The following GREB1L variants were observed in gnomAD, a reference collection of about 807,000 sequenced individuals.
GREB1L encodes the protein GREB1-like protein.
Under a neutral mutation model 200.8 loss-of-function variants are expected in GREB1L, and 17 were observed. The ratio of observed to expected loss-of-function variants is 0.08; its 90% CI spans 0.06 to 0.13. The LOEUF (loss-of-function observed/expected upper bound fraction) is 0.13. Ranked by LOEUF, GREB1L falls within the 10% of genes least tolerant of loss-of-function variation. GREB1L has a pLI of 1.00. For synonymous variants in GREB1L, 789 were observed against 893.0 expected (o/e 0.88, Z 2.08); for missense variants, 1,657 against 2,367.7 (o/e 0.70, Z 6.23).
At position 21,403,990 on chromosome 18, in the gene GREB1L, G is replaced by A. The variant is rs2041423960; in HGVS notation, c.828G>A (p.Gln276=). ...TTNGYKSGFT[Q]TDAANGNSSH... is the part of the protein sequence containing the mutation. ...ATGGATACAAATCAGGATTCACTCA[G>A]ACAGGTATGGGATATTTTCTTTTGG... is the stretch of plus-strand genomic sequence containing the variant. Residue 276 remains glutamine (Q), a synonymous_variant, in exon 7 of 33, where the codon CAG becomes CAA. Transcript: ENST00000424526. The A allele has an allele frequency of 6.4e-7, 1 of 1,551,346 alleles. No homozygotes were observed. Among genetic ancestry groups the A allele is most frequent in the Non-Finnish European group, 8.7e-7 (1 of 1,146,356 alleles).
chr18:21,501,000 C>T (rs149311691), intron 23 of GREB1L, among the ~76,000 whole-genome samples: 72 of 144,782 alleles, frequency 5.0e-4, no homozygotes, highest in African/African-American at 1.8e-3. Flanking sequence ...ACCCAGGAGG[C>T]GGGTTGCAGT....
intron 23 of GREB1L, among the ~76,000 whole-genome samples, chr18:21,504,277 G>A (rs1053480997): frequency 0.011 from 1 of 90 alleles, no homozygotes; most frequent in Non-Finnish European, 0.024. Flanking sequence ...GCTCACACCT[G>A]TAATCCCCTG....
At chr18:21,263,506 A>G (rs1327372409) in intron 1 of GREB1L, among the ~76,000 whole-genome samples, 1 of 152,162 alleles carries the variant, frequency 6.6e-6, no homozygotes, top group African/African-American at 2.4e-5. Context: ...GTGATTTTTG[A>G]TAAATCTTTA....
intron 1 of GREB1L, among the ~76,000 whole-genome samples, chr18:21,278,644 A>T (rs998339138): frequency 6.6e-6 from 1 of 152,088 alleles, no homozygotes; most frequent in Non-Finnish European, 1.5e-5. Flanking sequence ...TGAGCAATTC[A>T]TAACACCAAC....
chr18:21,513,357 T>A (rs1286299251), intron 27 of GREB1L, among the ~76,000 whole-genome samples: 1 of 152,202 alleles, frequency 6.6e-6, no homozygotes, highest in African/African-American at 2.4e-5. Flanking sequence ...TCAGTGGAAT[T>A]GGCATACCCA....
intron 1 of GREB1L, among the ~76,000 whole-genome samples, chr18:21,268,548 CACACACACACACATATATATATATATAT>C (rs1567914700): frequency 5.0e-5 from 5 of 99,062 alleles, no homozygotes; most frequent in African/African-American, 2.6e-4. Flanking sequence ...CACACACACA[CACACACACACACATATATATATATATAT>C]ATATATATAT....
intron 5 of GREB1L, among the ~76,000 whole-genome samples, chr18:21,400,572 C>T (rs368456906): frequency 6.6e-6 from 1 of 152,184 alleles, no homozygotes; most frequent in African/African-American, 2.4e-5. Context: ...GCTGACATAA[C>T]CCTAATTCGG....
chr18:21,355,898 A>G (rs2039495393), intron 1 of GREB1L, among the ~76,000 whole-genome samples: 1 of 152,056 alleles, frequency 6.6e-6, no homozygotes, highest in African/African-American at 2.4e-5. Flanking sequence ...GTAAAGTTCC[A>G]TGAAAATTCT....
chr18:21,432,617 G>A (rs1324109303), intron 7 of GREB1L, among the ~76,000 whole-genome samples: 4 of 147,520 alleles, frequency 2.7e-5, no homozygotes, highest in Admixed American at 1.3e-4. Context: ...CAGAAGCATG[G>A]TATGTCTTCG....
At chr18:21,434,338 TG>T (rs1377166150) in intron 7 of GREB1L, among the ~76,000 whole-genome samples, 1 of 151,814 alleles carries the variant, frequency 6.6e-6, no homozygotes, top group African/African-American at 2.4e-5. Context: ...TAGCTGGGCG[TG>T]GTGGCGTGCA....
rs1174966161 is a variant in GREB1L at position 21,516,551 on chromosome 18, G to A, written c.5130-62G>A. On this transcript the variant is annotated intron_variant, in intron 29 of 32. Transcript: ENST00000424526. ...TCTTGCCACACATTTATTTCTCTGT[G>A]TATAGTTATCATGGTTGAGATATGC... 6 of 1,463,158 alleles carry A rather than the reference G, an allele frequency of 4.1e-6. No individual in the cohort carries two copies. The African/African-American group carries it at 5.6e-5, about 14-fold the overall frequency. The allele number at this position is 1,463,158 out of a possible 1,614,324, so 90.6% of individuals were successfully genotyped here. A position where few individuals can be genotyped will look rare whatever the true frequency, so the allele number is the denominator to read the frequency against.
intron 7 of GREB1L, among the ~76,000 whole-genome samples, chr18:21,415,603 AAG>A (rs1263582642): frequency 3.9e-5 from 6 of 152,010 alleles, no homozygotes; most frequent in Non-Finnish European, 7.4e-5. Flanking sequence ...GAAAGAGAGA[AAG>A]AGAAAGGAAG....
chr18:21,405,273 G>A (rs1056317908), intron 7 of GREB1L, among the ~76,000 whole-genome samples: 4 of 152,274 alleles, frequency 2.6e-5, no homozygotes, highest in Non-Finnish European at 5.9e-5. Flanking sequence ...TGAAAGCATA[G>A]CCTTCATTAC....
At chr18:21,516,063 G>C (rs983223279) in intron 29 of GREB1L, among the ~76,000 whole-genome samples, 3 of 152,102 alleles carry the variant, frequency 2.0e-5, no homozygotes, top group East Asian at 3.9e-4. Context: ...CTGAATGTTA[G>C]TAGGATTCAG....
intron 4 of GREB1L, 30 bp downstream of exon 4, chr18:21,384,433 A>AT: frequency 6.7e-7 from 1 of 1,496,342 alleles, no homozygotes; most frequent in Non-Finnish European, 9.0e-7. Context: ...TCTTTTTGCT[A>AT]TTTTGTCTCT....
chr18:21,432,826 C>T (rs1316941027), intron 7 of GREB1L, among the ~76,000 whole-genome samples: 1 of 150,804 alleles, frequency 6.6e-6, no homozygotes, highest in Non-Finnish European at 1.5e-5. Context: ...TCTGCCTCAG[C>T]CTCCCAAGTA....
intron 7 of GREB1L, among the ~76,000 whole-genome samples, chr18:21,408,679 A>G (rs1022438139): frequency 1.3e-5 from 2 of 151,896 alleles, no homozygotes; most frequent in African/African-American, 4.8e-5. Context: ...CTGTAATTCC[A>G]GCTAGTCGGG....
chr18:21,333,970 AC>A (rs1225090085), intron 1 of GREB1L, among the ~76,000 whole-genome samples: 3 of 151,656 alleles, frequency 2.0e-5, no homozygotes, highest in Non-Finnish European at 4.4e-5. Context: ...TGACCGACTG[AC>A]GAAGATCTTG....
intron 21 of GREB1L, among the ~76,000 whole-genome samples, chr18:21,499,372 A>G (rs2036680781): frequency 6.6e-6 from 1 of 152,108 alleles, no homozygotes; most frequent in African/African-American, 2.4e-5. Context: ...GGTTAACCCC[A>G]GGGAGCCCTG....
Sources: allele counts gnomAD v4.1 joint callset (sites outside exome capture counted in the v4.1 genomes callset), GRCh38; gene constraint gnomAD v4.1.1; transcripts MANE v1.5; gene names NCBI Gene and HGNC (gene_info 2026-07-23, HGNC 2026-07-21).